Variants in ZNF592 observed in about 807,000 individuals in gnomAD.
ZNF592 encodes the protein zinc finger protein 592.
ZNF592 carries 11 observed loss-of-function variants against 80.3 expected under a neutral mutation model. That is an observed-to-expected ratio of 0.14 (90% CI 0.09 to 0.23). ZNF592 has a LOEUF of 0.23. Among genes scored for constraint, ZNF592 ranks in the 10% least tolerant of loss-of-function variants. The pLI, the probability that ZNF592 is intolerant of heterozygous loss-of-function variation, is 1.00. For missense variants in ZNF592, 1,420 were observed against 1,633.9 expected (o/e 0.87, Z 2.26); for synonymous variants, 646 against 640.3 (o/e 1.01, Z -0.13).
chr15:84,789,049 T>A (rs55841622), intron 4 of ZNF592, among the ~76,000 whole-genome samples: 29,086 of 139,144 alleles, frequency 0.21, 3,532 homozygotes, highest in Middle Eastern at 0.38. Flanking sequence ...TGTCTCTATT[T>A]AAAAAAAAAA....
intron 4 of ZNF592, among the ~76,000 whole-genome samples, chr15:84,787,392 G>C (rs1962621373): frequency 6.6e-6 from 1 of 152,204 alleles, no homozygotes; most frequent in South Asian, 2.1e-4. Flanking sequence ...CTCAGGGAAA[G>C]GGTGAGCCCT....
chr15:84,799,924 C>A lies in ZNF592; in HGVS notation c.3220C>A (p.Pro1074Thr). ...CAGCCTTATGCATGGCATCAGAAAC[C>A]CTGATTTGAGCCAGACGTCCAAAGT... Reference protein sequence around the residue: ...HISLMHGIRNPDLSQTSKVKP... With the variant: ...HISLMHGIRNTDLSQTSKVKP... Residue 1074 changes from proline to threonine, a missense_variant, in exon 10 of 11, where the codon CCT (proline) becomes ACT (threonine). By Grantham distance (38) the Pro-to-Thr change is conservative. Coordinates refer to ENST00000560079, the MANE Select transcript of ZNF592 (RefSeq NM_014630.3). This position sits in a 1 kb window ranked among gnomAD's most constrained non-coding sequence, Gnocchi z 4.2. 1.2e-6 allele frequency: 2 copies of A among 1,614,220 alleles called. No individual in the cohort carries two copies. Among genetic ancestry groups the A allele is most frequent in the South Asian group, 1.1e-5 (1 of 91,084 alleles).
intron 2 of ZNF592, among the ~76,000 whole-genome samples, chr15:84,773,214 G>GTTTTT (rs35593752): frequency 7.2e-6 from 1 of 139,072 alleles, no homozygotes; most frequent in Non-Finnish European, 1.6e-5. Flanking sequence ...ACCCACCAGG[G>GTTTTT]TTTTTTTTTT....
chr15:84,799,151 C>A lies in ZNF592; in HGVS notation c.3078C>A (p.Asn1026Lys). 1 of 1,614,212 alleles carries A rather than the reference C, an allele frequency of 6.2e-7. No individual in the cohort carries two copies. The highest frequency in any genetic ancestry group is 8.5e-7 in the Non-Finnish European group (1 of 1,180,042). Reference protein sequence around the residue: ...RQCEQSFHTPNSLRKHIRNNH... With the variant: ...RQCEQSFHTPKSLRKHIRNNH... Reference sequence around the variant, plus strand: ...GTGAACAGTCCTTCCACACCCCCAACAGCCTGCGCAAACACATCCGCAACA... The same window carrying A: ...GTGAACAGTCCTTCCACACCCCCAAAAGCCTGCGCAAACACATCCGCAACA... The change falls in exon 9 of 11, where the codon AAC becomes AAA. Residue 1026 changes from asparagine to lysine, a missense_variant. Transcript: ENST00000560079. The surrounding 1 kb of genome is among the most constrained non-coding windows in gnomAD (Gnocchi z 4.2).
intron 2 of ZNF592, among the ~76,000 whole-genome samples, chr15:84,776,770 C>G (rs1962263779): frequency 6.6e-6 from 1 of 151,582 alleles, no homozygotes; most frequent in African/African-American, 2.4e-5. Flanking sequence ...CAAAACAAAA[C>G]AAAACACCTG....
chr15:84,799,056 T>C lies in ZNF592; in HGVS notation c.3025-42T>C. 6.2e-7 allele frequency: 1 copy of C among 1,601,568 alleles called. No individual in the cohort carries two copies. The highest frequency in any genetic ancestry group is 8.6e-7 in the Non-Finnish European group (1 of 1,168,442). On this transcript the variant is annotated intron_variant, in intron 8 of 10. Transcript: ENST00000560079. This position sits in a 1 kb window ranked among gnomAD's most constrained non-coding sequence, Gnocchi z 4.2. The stretch of plus-strand genomic sequence containing the variant: ...GAAGAAAAATGCACCCAGAACTATC[T>C]TACAGTTCTGATGCTTTGTGTGTTG...
At chr15:84,749,645 A>T (rs1898954103) in intron 1 of ZNF592, among the ~76,000 whole-genome samples, 2 of 152,166 alleles carry the variant, frequency 1.3e-5, no homozygotes, top group Non-Finnish European at 2.9e-5. Flanking sequence ...ACTTGAGTTC[A>T]GGCCTGTGCT....
At chr15:84,751,632 C>T (rs1269195904) in intron 1 of ZNF592, among the ~76,000 whole-genome samples, 5 of 150,312 alleles carry the variant, frequency 3.3e-5, no homozygotes, top group Admixed American at 6.6e-5. Flanking sequence ...AAGCTGGATG[C>T]GGTGGCTCAT....
At chr15:84,769,850 A>C (rs1052669588) in intron 2 of ZNF592, among the ~76,000 whole-genome samples, 2 of 152,180 alleles carry the variant, frequency 1.3e-5, no homozygotes, top group African/African-American at 4.8e-5. Flanking sequence ...TTCCTGGCTC[A>C]CTGCAGCCTC....
intron 10 of ZNF592, among the ~76,000 whole-genome samples, chr15:84,800,402 A>G (rs1007944145): frequency 2.6e-5 from 4 of 151,982 alleles, no homozygotes; most frequent in Non-Finnish European, 5.9e-5. Context: ...CAGGCCTAGA[A>G]CCTTCTATCC....
At chr15:84,785,627 T>C (rs1962567581) in intron 4 of ZNF592, among the ~76,000 whole-genome samples, 1 of 152,172 alleles carries the variant, frequency 6.6e-6, no homozygotes, top group African/African-American at 2.4e-5. Flanking sequence ...ACTGTGTCTT[T>C]AATAAGTTGT....
intron 1 of ZNF592, among the ~76,000 whole-genome samples, chr15:84,757,308 ATTCTTTTCTT>A (rs771894041): frequency 6.8e-6 from 1 of 147,442 alleles, no homozygotes; most frequent in South Asian, 2.2e-4. Context: ...CCTGATCATT[ATTCTTTTCTT>A]TTCTTTTCTT....
At chr15:84,751,299 A>G (rs532663543) in intron 1 of ZNF592, among the ~76,000 whole-genome samples, 39 of 152,370 alleles carry the variant, frequency 2.6e-4, no homozygotes, top group African/African-American at 9.4e-4. Context: ...ATAAATGCAG[A>G]GGGGATAGAT....
At chr15:84,780,200 T>C (rs955131957) in intron 3 of ZNF592, among the ~76,000 whole-genome samples, 2 of 152,122 alleles carry the variant, frequency 1.3e-5, no homozygotes, top group Non-Finnish European at 2.9e-5. Flanking sequence ...TTGGCCAGGC[T>C]GGTCTCAAAC....
In ZNF592 at chr15:84,799,827, G is replaced by A. The variant is rs1023116614; in HGVS notation, c.3138-15G>A. ...GCCCGGGCACTTACCTGACCTCTCC[G>A]CTGTGCTTCTGCAGGTACTGCACAG... On this transcript the variant is annotated splice_polypyrimidine_tract_variant and intron_variant, in intron 9 of 10. Coordinates refer to ENST00000560079, the MANE Select transcript of ZNF592 (RefSeq NM_014630.3). The surrounding 1 kb of genome is among the most constrained non-coding windows in gnomAD (Gnocchi z 4.2). 9.9e-6 allele frequency: 16 copies of A among 1,613,780 alleles called. No homozygotes were observed. Among genetic ancestry groups the A allele is most frequent in the Non-Finnish European group, 1.3e-5 (15 of 1,180,006 alleles).
chr15:84,778,257 A>AG lies in ZNF592; in HGVS notation c.-68dup, dbSNP rs947249810. On this transcript the variant is annotated 5_prime_UTR_variant, in exon 3 of 11. Transcript: ENST00000560079. ...CGCTCCCCCGTACGGAGACAGAGGG[A>AG]GGGGGGGCTCCAAAGCCGAAAGAGG... is the stretch of plus-strand genomic sequence containing the variant. 1.7e-4 allele frequency: 47 copies of AG among 282,226 alleles called. 1 individual carries two copies. In the East Asian group the frequency reaches 3.3e-3, roughly 20 times the overall value. 17.5% of individuals were successfully genotyped at this position (282,226 alleles called of 1,614,324 possible).
chr15:84,779,241 C>G (rs972899758), intron 3 of ZNF592, among the ~76,000 whole-genome samples: 4 of 152,098 alleles, frequency 2.6e-5, no homozygotes, highest in Non-Finnish European at 4.4e-5. Context: ...GTAAATAGAA[C>G]TTTTTTATTG....
At chr15:84,785,587 C>T (rs1962566725) in intron 4 of ZNF592, among the ~76,000 whole-genome samples, 1 of 152,226 alleles carries the variant, frequency 6.6e-6, no homozygotes, top group Non-Finnish European at 1.5e-5. Context: ...GCTGGGATTA[C>T]AGGCGTGAGC....
intron 2 of ZNF592, among the ~76,000 whole-genome samples, chr15:84,777,944 C>G (rs979702309): frequency 6.6e-6 from 1 of 151,972 alleles, no homozygotes; most frequent in African/African-American, 2.4e-5. Context: ...GTGATCCGCC[C>G]GCCTCGGCCT....
Sources: allele counts gnomAD v4.1 joint callset (sites outside exome capture counted in the v4.1 genomes callset), GRCh38; gene constraint gnomAD v4.1.1; non-coding constraint Gnocchi (gnomAD v3.1); transcripts MANE v1.5; gene names NCBI Gene and HGNC (gene_info 2026-07-23, HGNC 2026-07-21).